The following PTPRC variants were observed in gnomAD, a reference collection of about 807,000 sequenced individuals.
The protein encoded by PTPRC is receptor-type tyrosine-protein phosphatase C.
Under a neutral mutation model 155.9 loss-of-function variants are expected in PTPRC, and 44 were observed. The ratio of observed to expected loss-of-function variants is 0.28; its 90% CI spans 0.22 to 0.36. The LOEUF (loss-of-function observed/expected upper bound fraction) is 0.36, where lower values mean the gene tolerates loss of function less well. Ranked by LOEUF, PTPRC falls within the 10% of genes least tolerant of loss-of-function variation. The pLI is 1.00. For missense variants in PTPRC, 1,401 were observed against 1,564.6 expected (o/e 0.90, Z 1.76); for synonymous variants, 525 against 533.1 (o/e 0.98, Z 0.21).
intron 2 of PTPRC, among the ~76,000 whole-genome samples, chr1:198,663,736 TG>T (rs1001261952): frequency 4.8e-4 from 73 of 152,370 alleles, no homozygotes; most frequent in African/African-American, 1.6e-3. Flanking sequence ...TTAACCGCTT[TG>T]TGCCTCAGTT....
Position 198,749,485 on chromosome 1 carries a change from A to C in PTPRC, c.3008A>C (p.Glu1003Ala). ...AAAGAGAGTGAGCATGATTCAGATG[A>C]ATCCTCTGATGATGACAGTGATTCA... The part of the protein sequence containing the change: ...MSKESEHDSD[E>A]SSDDDSDSEE... The change falls in exon 28 of 33, where the codon GAA (glutamate) becomes GCA (alanine). Residue 1003 changes from glutamate (E) to alanine (A), a missense_variant. Transcript: ENST00000442510. 1 of 1,610,032 alleles carries C rather than the reference A, an allele frequency of 6.2e-7. No homozygotes were observed. Among genetic ancestry groups the C allele is most frequent in the Non-Finnish European group, 8.5e-7 (1 of 1,177,230 alleles).
chr1:198,667,376 A>G (rs1664383013), intron 2 of PTPRC, among the ~76,000 whole-genome samples: 1 of 152,236 alleles, frequency 6.6e-6, no homozygotes, highest in Non-Finnish European at 1.5e-5. Flanking sequence ...TCTAGTTGCC[A>G]TAGCTCATAG....
At chr1:198,679,863 C>G (rs1665201411) in intron 2 of PTPRC, 1 of 608,890 alleles carries the variant, frequency 1.6e-6, no homozygotes, top group South Asian at 2.0e-5. Context: ...TGTAGAGTTT[C>G]CTTGACTCAA....
intron 32 of PTPRC, among the ~76,000 whole-genome samples, chr1:198,755,473 T>TAGTG (rs3831973): frequency 0.17 from 25,358 of 151,946 alleles, 2,382 homozygotes; most frequent in East Asian, 0.26. Context: ...CTAATCAATG[T>TAGTG]AGTGAGTAAA....
chr1:198,679,358 G>C (rs921908062), intron 2 of PTPRC: 1 of 150,278 alleles, frequency 6.7e-6, no homozygotes, highest in Non-Finnish European at 1.5e-5. Flanking sequence ...TCAGCCTCCC[G>C]AGTAGCTGGG....
intron 2 of PTPRC, among the ~76,000 whole-genome samples, chr1:198,661,410 G>A (rs998888102): frequency 6.6e-6 from 1 of 151,134 alleles, no homozygotes; most frequent in Non-Finnish European, 1.5e-5. Flanking sequence ...AATAGGAATA[G>A]TGTCACTTTT....
intron 2 of PTPRC, among the ~76,000 whole-genome samples, chr1:198,649,524 G>A (rs1209901761): frequency 6.6e-6 from 1 of 151,816 alleles, no homozygotes; most frequent in African/African-American, 2.4e-5. Context: ...GTTGGATTCA[G>A]ACAATCGCTA....
intron 8 of PTPRC, among the ~76,000 whole-genome samples, chr1:198,705,628 C>T (rs1652916729): frequency 6.6e-6 from 1 of 151,766 alleles, no homozygotes; most frequent in African/African-American, 2.4e-5. Flanking sequence ...ACCATGTTGC[C>T]CACGCTGGTC....
intron 12 of PTPRC, among the ~76,000 whole-genome samples, chr1:198,713,702 T>G (rs72738053): frequency 0.016 from 2,462 of 152,264 alleles, 34 homozygotes; most frequent in Middle Eastern, 0.02. Context: ...CAATTTAAAG[T>G]ATCTAAATTG....
chr1:198,752,733 A>G lies in PTPRC; in HGVS notation c.3470A>G (p.Asn1157Ser), dbSNP rs1451444401. Residue 1157 changes from asparagine to serine, a missense_variant, in exon 31 of 33, where the codon AAC (asparagine) becomes AGC (serine). Asn to Ser is a conservative substitution (Grantham distance 46, BLOSUM62 1). Transcript: ENST00000442510. ...KLPQKNSSEG[N>S]KHHKSTPLLI... ...CCCCAGAAGAATTCCTCTGAAGGGA[A>G]CAAGCATCACAAGAGTACACCTCTA... The G allele has an allele frequency of 1.2e-6, 2 of 1,612,874 alleles. No homozygotes were observed. The highest frequency in any genetic ancestry group is 1.7e-5 in the Admixed American group (1 of 59,856).
intron 22 of PTPRC, 139 bp from the exon 23 acceptor site, chr1:198,734,988 G>C: frequency 1.4e-6 from 1 of 733,242 alleles, no homozygotes; most frequent in Non-Finnish European, 2.2e-6. Flanking sequence ...ACAGCTTAAG[G>C]TTTATATGTG....
In PTPRC at chr1:198,675,678, A is replaced by T. The variant is rs141137465; in HGVS notation, c.74-16669A>T. 3.3e-5 allele frequency among the ~76,000 whole-genome samples: 5 copies of T among 152,274 alleles called. No homozygotes were observed. The East Asian group carries it at 5.8e-4, about 18-fold the overall frequency. On this transcript the variant is annotated intron_variant, in intron 2 of 32. Coordinates refer to ENST00000442510, the MANE Select transcript of PTPRC (RefSeq NM_002838.5). ...GTAAGACTATTTTTATATCTCTGTA[A>T]ATTGGGTATGAATTATAAAAGTATG... is the stretch of plus-strand genomic sequence containing the variant.
At chr1:198,678,120 T>A (rs1665068691) in intron 2 of PTPRC, among the ~76,000 whole-genome samples, 1 of 152,190 alleles carries the variant, frequency 6.6e-6, no homozygotes, top group South Asian at 2.1e-4. Flanking sequence ...CTCAAAGTAT[T>A]TTTACTGTGG....
intron 30 of PTPRC, 68 bp from the exon 31 acceptor site, chr1:198,752,526 A>G: frequency 6.5e-7 from 1 of 1,540,580 alleles, no homozygotes; most frequent in Non-Finnish European, 8.9e-7. Flanking sequence ...TGAAGAAAAT[A>G]TGACTATCAA....
chr1:198,756,465 T>G lies in PTPRC; in HGVS notation c.*284T>G, dbSNP rs76256297. The G allele has an allele frequency of 0.031, 8,921 of 291,592 alleles. 265 individuals carry two copies. The highest frequency in any genetic ancestry group is 0.097 in the Admixed American group (2,045 of 21,122). The allele number at this position is 291,592 out of a possible 1,614,324, so 18.1% of individuals were successfully genotyped here. A position where few individuals can be genotyped will look rare whatever the true frequency, so the allele number is the denominator to read the frequency against. On this transcript the variant is annotated 3_prime_UTR_variant, in exon 33 of 33. Transcript: ENST00000442510. ...ATGTATGTGTGTATGGGTGTGTGTT[T>G]GTGTGAGAGACAGAGAAAGAGAGAG...
Position 198,748,191 on chromosome 1 carries a change from T to G in PTPRC, c.2930T>G (p.Val977Gly). ...AAAAGTAAAAACAGGAATTCTAATG[T>G]CATCCCATGTATGTAGTTTATTTTT... is the stretch of plus-strand genomic sequence containing the variant. ...ENKSKNRNSNVIPYDYNRVPL... is the reference protein window; with the variant it reads ...ENKSKNRNSNGIPYDYNRVPL... Residue 977 changes from valine to glycine, a missense_variant, in exon 27 of 33, where the codon GTC becomes GGC. By Grantham distance (109) the Val-to-Gly change is moderately radical. Around this residue, in one of 3 missense-constraint regions of PTPRC, gnomAD observed 400 missense variants for 389.5 expected, o/e 1.03. Coordinates refer to ENST00000442510, the MANE Select transcript of PTPRC (RefSeq NM_002838.5). The G allele has an allele frequency of 6.2e-7, 1 of 1,606,626 alleles. No homozygotes were observed. Among genetic ancestry groups the G allele is most frequent in the Non-Finnish European group, 8.5e-7 (1 of 1,176,706 alleles).
At chr1:198,734,083 T>A (rs373159586) in intron 20 of PTPRC, 113 bp from the exon 21 acceptor site, 2 of 1,032,552 alleles carry the variant, frequency 1.9e-6, no homozygotes. Flanking sequence ...CCCAGAGAAA[T>A]TCACAATCAC....
intron 5 of PTPRC, among the ~76,000 whole-genome samples, chr1:198,701,165 G>A (rs1666441316): frequency 6.6e-6 from 1 of 152,134 alleles, no homozygotes; most frequent in Non-Finnish European, 1.5e-5. Flanking sequence ...TCTATTCTAT[G>A]GTTTAGTTAA....
chr1:198,681,093 AC>A (rs1487780516), intron 2 of PTPRC, among the ~76,000 whole-genome samples: 2 of 152,160 alleles, frequency 1.3e-5, no homozygotes, highest in Non-Finnish European at 2.9e-5. Context: ...AGATAGAGAA[AC>A]CATTTTCTGA....
Sources: gnomAD v4.1 joint callset for allele counts (sites outside exome capture counted in the v4.1 genomes callset) on GRCh38, gnomAD v4.1.1 for gene constraint, gnomAD v4.1.1 regional missense constraint, MANE v1.5 for transcripts, NCBI Gene and HGNC (gene_info 2026-07-23, HGNC 2026-07-21) for gene names.